Variants in NFIB observed in about 807,000 individuals in gnomAD.
NFIB encodes nuclear factor I B.
In NFIB, 11 loss-of-function variants were observed where a neutral mutation model predicts 61.5. That is an observed-to-expected ratio of 0.18 (90% CI 0.11 to 0.30). The LOEUF (loss-of-function observed/expected upper bound fraction) is 0.30, where lower values mean the gene tolerates loss of function less well. Among genes scored for constraint, NFIB ranks in the 10% least tolerant of loss-of-function variants. NFIB has a pLI of 1.00. For missense variants in NFIB, 471 were observed against 608.9 expected (o/e 0.77, Z 2.38); for synonymous variants, 260 against 216.5 (o/e 1.20, Z -1.76).
At position 14,250,007 on chromosome 9, in the gene NFIB, T is replaced by A. The variant is rs73415763; in HGVS notation, c.562+56982A>T. Among the ~76,000 whole-genome samples the A allele has an allele frequency of 1.3e-3, 195 of 152,334 alleles. 2 individuals carry two copies. The highest frequency in any genetic ancestry group is 4.6e-3 in the African/African-American group (192 of 41,580). On this transcript the variant is annotated intron_variant, in intron 2 of 10. Transcript: ENST00000380953. Reference sequence around the variant, plus strand: ...CATGATAAAAAGTTTCACCTATTCCTAACTCCTTGTTCAAAACCCCTCGAG... The same window carrying A: ...CATGATAAAAAGTTTCACCTATTCCAAACTCCTTGTTCAAAACCCCTCGAG...
At chr9:14,244,238 T>C (rs912923663) in intron 2 of NFIB, among the ~76,000 whole-genome samples, 4 of 152,222 alleles carry the variant, frequency 2.6e-5, no homozygotes, top group Non-Finnish European at 4.4e-5. Context: ...TAATCCTCTC[T>C]ATTATATAAA....
the NFIB span, among the ~76,000 whole-genome samples, chr9:14,434,625 A>G: frequency 2.0e-5 from 3 of 152,348 alleles, no homozygotes; most frequent in African/African-American, 7.2e-5. Flanking sequence ...TATAGGCCTT[A>G]AAGCCAGAAT....
the NFIB span, among the ~76,000 whole-genome samples, chr9:14,515,021 T>A: frequency 6.6e-6 from 1 of 152,206 alleles, no homozygotes; most frequent in Non-Finnish European, 1.5e-5. Flanking sequence ...TTGAGTCATC[T>A]GCCAGTTTAG....
At chr9:14,227,885 A>T (rs2052632511) in intron 2 of NFIB, among the ~76,000 whole-genome samples, 1 of 152,226 alleles carries the variant, frequency 6.6e-6, no homozygotes, top group Non-Finnish European at 1.5e-5. Context: ...TCAACCTCTC[A>T]GTATTTTGAA....
At chr9:14,158,262 C>T (rs959402401) in intron 3 of NFIB, among the ~76,000 whole-genome samples, 1 of 152,078 alleles carries the variant, frequency 6.6e-6, no homozygotes, top group African/African-American at 2.4e-5. Flanking sequence ...CCTCCTGCAG[C>T]TCCCTGAGAT....
the NFIB span, among the ~76,000 whole-genome samples, chr9:14,436,910 TATGAGCTGGCACCC>T: frequency 6.6e-6 from 1 of 151,884 alleles, no homozygotes; most frequent in Non-Finnish European, 1.5e-5. Flanking sequence ...AGAGATAATA[TATGAGCTGGCACCC>T]CGGAAGGAAA....
chr9:14,245,080 C>T (rs1310773692), intron 2 of NFIB, among the ~76,000 whole-genome samples: 1 of 152,148 alleles, frequency 6.6e-6, no homozygotes, highest in Non-Finnish European at 1.5e-5. Context: ...TTTGGGATAA[C>T]AACAGCTAAA....
chr9:14,331,940 A>G (rs114382717), intron 1 of NFIB, among the ~76,000 whole-genome samples: 171 of 152,308 alleles, frequency 1.1e-3, no homozygotes, highest in African/African-American at 4.0e-3. Flanking sequence ...GTGAGAGATG[A>G]TAAACAAGAA....
chr9:14,458,304 C>A, the NFIB span, among the ~76,000 whole-genome samples: 4 of 152,156 alleles, frequency 2.6e-5, no homozygotes, highest in Admixed American at 2.0e-4. Context: ...AGGCCTTTGA[C>A]AAAATTCAAC....
chr9:14,134,907 A>AAAAAAAAAAAAC (rs2040851111), intron 6 of NFIB, among the ~76,000 whole-genome samples: 1 of 125,864 alleles, frequency 7.9e-6, no homozygotes, highest in African/African-American at 3.0e-5. Context: ...CAAAAAAAAA[A>AAAAAAAAAAAAC]AAAAAAAAAA....
chr9:14,468,800 T>C, the NFIB span, among the ~76,000 whole-genome samples: 1 of 152,220 alleles, frequency 6.6e-6, no homozygotes, highest in African/African-American at 2.4e-5. Context: ...GAGGTAGAAA[T>C]GATCACACTC....
chr9:14,511,250 C>G, the NFIB span, among the ~76,000 whole-genome samples: 1 of 151,802 alleles, frequency 6.6e-6, no homozygotes, highest in Non-Finnish European at 1.5e-5. Flanking sequence ...ATTCATAGTT[C>G]GTTTATATTT....
At chr9:14,231,037 T>G (rs1332922533) in intron 2 of NFIB, among the ~76,000 whole-genome samples, 2 of 148,704 alleles carry the variant, frequency 1.3e-5, no homozygotes, top group African/African-American at 2.5e-5. Context: ...GTGGCAGAGC[T>G]GCCACTCTGT....
chr9:14,142,908 T>C (rs6474820), intron 6 of NFIB, among the ~76,000 whole-genome samples: 41,768 of 151,968 alleles, frequency 0.27, 7,079 homozygotes, highest in African/African-American at 0.47. Flanking sequence ...ATAACAGTTG[T>C]TGGATACCCC....
At chr9:14,476,615 C>A in the NFIB span, among the ~76,000 whole-genome samples, 1 of 152,142 alleles carries the variant, frequency 6.6e-6, no homozygotes, top group African/African-American at 2.4e-5. Flanking sequence ...GATCATCACG[C>A]AAAATTCCTG....
intron 3 of NFIB, among the ~76,000 whole-genome samples, chr9:14,179,240 G>C (rs2046489107): frequency 6.6e-6 from 1 of 152,028 alleles, no homozygotes; most frequent in Non-Finnish European, 1.5e-5. Context: ...ATTATTTCCT[G>C]ATTCTGGAGA....
chr9:14,199,995 C>T (rs1290879174), intron 2 of NFIB, among the ~76,000 whole-genome samples: 1 of 152,076 alleles, frequency 6.6e-6, no homozygotes, highest in Non-Finnish European at 1.5e-5. Context: ...AGGGATTGTC[C>T]AAATAAACTG....
At chr9:14,114,641 A>T (rs2037859590) in intron 9 of NFIB, among the ~76,000 whole-genome samples, 1 of 152,212 alleles carries the variant, frequency 6.6e-6, no homozygotes, top group African/African-American at 2.4e-5. Context: ...CTTTTTGAAC[A>T]ACCTGTATGT....
At chr9:14,527,661 A>T in the NFIB span, among the ~76,000 whole-genome samples, 12 of 152,314 alleles carry the variant, frequency 7.9e-5, no homozygotes, top group Non-Finnish European at 1.6e-4. Flanking sequence ...TATGTTCTTT[A>T]CAGGTATTTG....
Sources: allele counts gnomAD v4.1 joint callset (sites outside exome capture counted in the v4.1 genomes callset), GRCh38; gene constraint gnomAD v4.1.1; transcripts MANE v1.5; gene names NCBI Gene and HGNC (gene_info 2026-07-23, HGNC 2026-07-21).